GRIA3: variants seen among roughly 807,000 people sequenced by gnomAD.
GRIA3 encodes glutamate receptor 3.
A neutral mutation model predicts 63.0 loss-of-function variants in GRIA3; 3 were observed. That is an observed-to-expected ratio of 0.05 (90% CI 0.02 to 0.12). The LOEUF (loss-of-function observed/expected upper bound fraction) is 0.12, where lower values mean the gene tolerates loss of function less well. Ranked by LOEUF, GRIA3 falls within the 10% of genes least tolerant of loss-of-function variation. GRIA3 has a pLI of 1.00. For synonymous variants in GRIA3, 274 were observed against 257.9 expected (o/e 1.06, Z -0.60); for missense variants, 347 against 700.9 (o/e 0.50, Z 5.70).
intron 3 of GRIA3, among the ~76,000 whole-genome samples, chrX:123,260,981 T>C: frequency 8.9e-6 from 1 of 111,853 alleles, no homozygotes; most frequent in Non-Finnish European, 1.9e-5. Context: ...AAAATGAAAA[T>C]ACCAGAGCTG....
At chrX:123,224,998 C>G (rs766570281) in intron 2 of GRIA3, among the ~76,000 whole-genome samples, 1 of 111,372 alleles carries the variant, frequency 9.0e-6, no homozygotes, top group Non-Finnish European at 1.9e-5. Context: ...TTTCTGCAAA[C>G]CATAACTGTA....
At chrX:123,226,485 G>A in intron 2 of GRIA3, among the ~76,000 whole-genome samples, 1 of 111,383 alleles carries the variant, frequency 9.0e-6, no homozygotes, top group Non-Finnish European at 1.9e-5. Flanking sequence ...GACACTCTGA[G>A]AGTACAGATG....
chrX:123,326,650 C>T (rs1291901819), intron 4 of GRIA3, among the ~76,000 whole-genome samples: 1 of 111,316 alleles, frequency 9.0e-6, no homozygotes, highest in Non-Finnish European at 1.9e-5. Context: ...TTTCCAGACC[C>T]TTCTAAAGAT....
At chrX:123,358,935 A>C (rs1180676941) in intron 5 of GRIA3, 1 of 111,607 alleles carries the variant, frequency 9.0e-6, no homozygotes, top group Non-Finnish European at 1.9e-5. Flanking sequence ...TTAGGAATAG[A>C]TGCAAGGGCA....
intron 11 of GRIA3, among the ~76,000 whole-genome samples, chrX:123,418,181 A>G (rs2045546285): frequency 8.9e-6 from 1 of 111,925 alleles, no homozygotes; most frequent in Admixed American, 9.5e-5. Flanking sequence ...AAAAGAACAT[A>G]GAACTCTTCT....
chrX:123,395,254 C>A, intron 6 of GRIA3, 125 bp downstream of exon 6: 1 of 604,414 alleles, frequency 1.7e-6, no homozygotes, highest in South Asian at 2.5e-5. Flanking sequence ...AAAGATGCCA[C>A]AAAACAACTG....
At chrX:123,238,375 G>A (rs2044312244) in intron 2 of GRIA3, among the ~76,000 whole-genome samples, 1 of 111,155 alleles carries the variant, frequency 9.0e-6, no homozygotes, top group Non-Finnish European at 1.9e-5. Flanking sequence ...ACAGGAAAAA[G>A]AATGAGATGG....
chrX:123,209,720 T>C (rs1927988112), intron 2 of GRIA3, among the ~76,000 whole-genome samples: 1 of 111,895 alleles, frequency 8.9e-6, no homozygotes. Flanking sequence ...AGTAAATATG[T>C]ATGGTGGCTT....
At chrX:123,461,415 A>G (rs769682977) in intron 12 of GRIA3, among the ~76,000 whole-genome samples, 8 of 111,737 alleles carry the variant, frequency 7.2e-5, no homozygotes, top group Non-Finnish European at 1.3e-4. Flanking sequence ...AGGGTTAGGA[A>G]AGACTTCACA....
chrX:123,307,685 C>T (rs58522124), intron 3 of GRIA3, among the ~76,000 whole-genome samples: 2,590 of 110,740 alleles, frequency 0.023, 71 homozygotes, highest in African/African-American at 0.08. Flanking sequence ...GATCTCTTGC[C>T]CCTCCCTACT....
At chrX:123,273,839 T>C (rs1342921939) in intron 3 of GRIA3, among the ~76,000 whole-genome samples, 1 of 112,353 alleles carries the variant, frequency 8.9e-6, no homozygotes, top group Non-Finnish European at 1.9e-5. Flanking sequence ...AGATGATCAG[T>C]GAACTCACCC....
At chrX:123,227,094 C>G (rs2044251455) in intron 2 of GRIA3, among the ~76,000 whole-genome samples, 2 of 111,668 alleles carry the variant, frequency 1.8e-5, no homozygotes, top group Non-Finnish European at 3.8e-5. Flanking sequence ...CACACAGATT[C>G]CTCCTCCTCT....
chrX:123,222,257 A>T (rs762447740), intron 2 of GRIA3, among the ~76,000 whole-genome samples: 3 of 112,141 alleles, frequency 2.7e-5, no homozygotes, highest in African/African-American at 9.7e-5. Context: ...CCAGCACAGT[A>T]CTTAACACAT....
At chrX:123,192,681 C>T (rs1266659500) in intron 2 of GRIA3, among the ~76,000 whole-genome samples, 1 of 111,862 alleles carries the variant, frequency 8.9e-6, no homozygotes, top group Non-Finnish European at 1.9e-5. Flanking sequence ...TTATCCTCAA[C>T]ACAACCATCA....
intron 2 of GRIA3, chrX:123,204,299 C>A: frequency 1.5e-6 from 1 of 677,101 alleles, no homozygotes; most frequent in African/African-American, 2.1e-5. Flanking sequence ...CTGTGGGCAT[C>A]CTGCAGGGAG....
At chrX:123,407,061 A>C (rs781251067) in intron 10 of GRIA3, among the ~76,000 whole-genome samples, 2 of 111,708 alleles carry the variant, frequency 1.8e-5, no homozygotes, top group East Asian at 5.7e-4. Context: ...GTAATGCCTA[A>C]GCCAGTATTC....
intron 13 of GRIA3, among the ~76,000 whole-genome samples, chrX:123,479,721 TCTC>T (rs946589376): frequency 8.9e-6 from 1 of 111,995 alleles, no homozygotes; most frequent in African/African-American, 3.2e-5. Flanking sequence ...ACTTAACACA[TCTC>T]CTTCACAAAG....
chrX:123,425,342 C>G (rs780695335), intron 11 of GRIA3, among the ~76,000 whole-genome samples: 4 of 111,548 alleles, frequency 3.6e-5, no homozygotes, highest in Non-Finnish European at 5.7e-5. Flanking sequence ...TAAAATAGTA[C>G]CTAACCATAG....
Position 123,354,868 on chromosome X carries a change from C to A in GRIA3, c.697-42C>A, listed in dbSNP as rs371977938. The A allele has an allele frequency of 4.9e-6, 5 of 1,023,672 alleles. No individual in the cohort carries two copies. In the African/African-American group the frequency reaches 9.3e-5, roughly 19 times the overall value. The allele number at this position is 1,023,672 out of a possible 1,213,427, so 84.4% of individuals were successfully genotyped here. ...CCACTGATTGTGCAATTGAAAATGTCCTTCTTGAATAAGCAATATGTCTTA... is the reference window on the plus strand; with the variant it reads ...CCACTGATTGTGCAATTGAAAATGTACTTCTTGAATAAGCAATATGTCTTA... On this transcript the variant is annotated intron_variant, in intron 4 of 15. Transcript: ENST00000620443.
Sources: gnomAD v4.1 joint callset for allele counts (sites outside exome capture counted in the v4.1 genomes callset) on GRCh38, gnomAD v4.1.1 for gene constraint, MANE v1.5 for transcripts, NCBI Gene and HGNC (gene_info 2026-07-23, HGNC 2026-07-21) for gene names.